The following HRG variants were observed in gnomAD, a reference collection of about 807,000 sequenced individuals.
HRG encodes histidine rich glycoprotein, also known as histidine-rich glycoprotein.
HRG carries 26 observed loss-of-function variants against 29.5 expected under a neutral mutation model. The observed-to-expected ratio is 0.88, with a 90% CI of 0.65 to 1.22. HRG has a LOEUF of 1.22. HRG is among the 50% of genes most tolerant of loss of function. The pLI, the probability that HRG is intolerant of heterozygous loss-of-function variation, is 0.00. For missense variants in HRG, 671 were observed against 654.5 expected (o/e 1.03, Z -0.28); for synonymous variants, 243 against 240.4 (o/e 1.01, Z -0.10).
chr3:186,677,856 G>C lies in HRG; in HGVS notation c.1551G>C (p.Met517Ile). ...AGAGTGGGTTTCCACAAGTTTCCATGTTTTTTACACATACATTTCCAAAAT... is the reference window on the plus strand; with the variant it reads ...AGAGTGGGTTTCCACAAGTTTCCATCTTTTTTACACATACATTTCCAAAAT... ...KFKSGFPQVS[M>I]FFTHTFPK Residue 517 changes from methionine (M) to isoleucine (I), a missense_variant, in exon 7 of 7, where the codon ATG (methionine) becomes ATC (isoleucine). Transcript: ENST00000232003. The C allele has an allele frequency of 6.2e-7, 1 of 1,613,960 alleles. No individual in the cohort carries two copies. Among genetic ancestry groups the C allele is most frequent in the Non-Finnish European group, 8.5e-7 (1 of 1,179,822 alleles).
At chr3:186,676,207 G>C (rs969541806) in intron 6 of HRG, among the ~76,000 whole-genome samples, 1 of 151,966 alleles carries the variant, frequency 6.6e-6, no homozygotes, top group Non-Finnish European at 1.5e-5. Flanking sequence ...TCTGAACAAG[G>C]AAGAGAGAGA....
At position 186,677,472 on chromosome 3, in the gene HRG, C is replaced by G. The variant is rs566590437; in HGVS notation, c.1167C>G (p.His389Gln). 1.1e-5 allele frequency: 17 copies of G among 1,590,776 alleles called. No homozygotes were observed. In the South Asian group the frequency reaches 1.8e-4, roughly 17 times the overall value. ...CCCATGGACACCACCCCCATGGACA[C>G]CATCCTCATGGACACCACCCCCATG... is the stretch of plus-strand genomic sequence containing the variant. ...QHPHGHHPHG[H>Q]HPHGHHPHGH... The change falls in exon 7 of 7, where the codon CAC becomes CAG. Residue 389 changes from histidine to glutamine, a missense_variant. By Grantham distance (24) the His-to-Gln change is conservative (BLOSUM62 0). Coordinates refer to ENST00000232003, the MANE Select transcript of HRG (RefSeq NM_000412.5).
intron 4 of HRG, 112 bp from the exon 5 acceptor site, chr3:186,672,675 T>G: frequency 4.0e-6 from 3 of 746,308 alleles, no homozygotes; most frequent in Non-Finnish European, 7.3e-6. Context: ...CACATACTGG[T>G]GATTTTGAAT....
In HRG at chr3:186,677,817, TC is replaced by T. The variant is rs1719056654; in HGVS notation, c.1514del (p.Pro505GlnfsTer24). On this transcript the variant is annotated frameshift_variant, in exon 7 of 7. Coordinates refer to ENST00000232003, the MANE Select transcript of HRG (RefSeq NM_000412.5). LOFTEE classifies it low-confidence loss of function (END_TRUNC). Reference protein sequence around the residue: ...PFPQSVSESCPGKFKSGFPQV... With the variant: ...PFPQSVSESCXGKFKSGFPQV... ...TTCCTCAATCAGTCTCTGAATCATG[TC>T]CAGGGAAGTTCAAGAGTGGGTTTCC... 6.2e-7 allele frequency: 1 copy of T among 1,614,054 alleles called. No homozygotes were observed. Among genetic ancestry groups the T allele is most frequent in the Non-Finnish European group, 8.5e-7 (1 of 1,180,004 alleles).
Position 186,669,001 on chromosome 3 carries a change from A to G in HRG, c.250A>G (p.Lys84Glu). Reference sequence around the variant, plus strand: ...ATCGGACTGTTCGGTCCTATCCAGGAAATACTGGAATGACTGTGAGCCACC... The same window carrying G: ...ATCGGACTGTTCGGTCCTATCCAGGGAATACTGGAATGACTGTGAGCCACC... ...QESDCSVLSRKYWNDCEPPDS... is the reference protein window; with the variant it reads ...QESDCSVLSREYWNDCEPPDS... The change falls in exon 2 of 7, where the codon AAA (lysine) becomes GAA (glutamate). Residue 84 changes from lysine (K) to glutamate (E), a missense_variant. Coordinates refer to ENST00000232003, the MANE Select transcript of HRG (RefSeq NM_000412.5). 6.2e-7 allele frequency: 1 copy of G among 1,612,568 alleles called. No homozygotes were observed. Among genetic ancestry groups the G allele is most frequent in the African/African-American group, 1.3e-5 (1 of 75,016 alleles).
Position 186,677,798 on chromosome 3 carries a change from A to T in HRG, c.1493A>T (p.Gln498Leu), listed in dbSNP as rs201032457. The change falls in exon 7 of 7, where the codon CAA (glutamine) becomes CTA (leucine). Residue 498 changes from glutamine to leucine, a missense_variant. Physicochemically the swap from Gln to Leu is moderately radical, Grantham distance 113 (BLOSUM62 -2). Coordinates refer to ENST00000232003, the MANE Select transcript of HRG (RefSeq NM_000412.5). ...AAGCCAGACAATCAGCCCTTTCCTC[A>T]ATCAGTCTCTGAATCATGTCCAGGG... ...PLKPDNQPFP[Q>L]SVSESCPGKF... 6.2e-7 allele frequency: 1 copy of T among 1,614,108 alleles called. No homozygotes were observed. The highest frequency in any genetic ancestry group is 8.5e-7 in the Non-Finnish European group (1 of 1,179,956).
intron 3 of HRG, among the ~76,000 whole-genome samples, chr3:186,671,279 T>TATAAATATATAATAGATATTATATAATAG: frequency 1.4e-5 from 2 of 147,832 alleles, no homozygotes; most frequent in East Asian, 3.9e-4. Flanking sequence ...TTATATAATA[T>TATAAATATATAATAGATATTATATAATAG]ATAAATATAT....
At chr3:186,668,865 CT>C in intron 1 of HRG, 69 bp from the exon 2 acceptor site, 1 of 725,828 alleles carries the variant, frequency 1.4e-6, no homozygotes, top group Non-Finnish European at 2.4e-6. Flanking sequence ...AAATATATAG[CT>C]TTAATACATA....
At chr3:186,676,125 T>A (rs1249042925) in intron 6 of HRG, among the ~76,000 whole-genome samples, 1 of 152,060 alleles carries the variant, frequency 6.6e-6, no homozygotes, top group Non-Finnish European at 1.5e-5. Flanking sequence ...TGCCTCAGCC[T>A]CCCAAAGTTC....
At chr3:186,671,816 A>C (rs748474167) in intron 4 of HRG, 27 bp downstream of exon 4, 5 of 1,609,312 alleles carry the variant, frequency 3.1e-6, no homozygotes, top group Non-Finnish European at 4.3e-6. Context: ...GTTCGGTTGG[A>C]GTCTGAAGGC....
intron 4 of HRG, 30 bp from the exon 5 acceptor site, chr3:186,672,757 T>C (rs374247329): frequency 1.4e-6 from 2 of 1,459,778 alleles, no homozygotes; most frequent in Non-Finnish European, 1.9e-6. Context: ...TTGTCTGTTC[T>C]TGAAACTATT....
At chr3:186,676,814 G>GA (rs911446203) in intron 6 of HRG, among the ~76,000 whole-genome samples, 43 of 148,220 alleles carry the variant, frequency 2.9e-4, no homozygotes, top group African/African-American at 5.4e-4. Context: ...CTCAGTCTCA[G>GA]AAAAAAAAAA....
At chr3:186,675,566 A>G (rs2108582553) in intron 6 of HRG, among the ~76,000 whole-genome samples, 1 of 152,326 alleles carries the variant, frequency 6.6e-6, no homozygotes, top group East Asian at 1.9e-4. Context: ...TGCTCTTTGT[A>G]GTCGGGACTC....
At position 186,672,867 on chromosome 3, in the gene HRG, T is replaced by A. The variant is rs1718847885; in HGVS notation, c.639T>A (p.Asn213Lys). ...GACACCATTTCCCCAGACACCCCAATGTGAGTATAAGAAATGTCTGTGATC... is the reference window on the plus strand; with the variant it reads ...GACACCATTTCCCCAGACACCCCAAAGTGAGTATAAGAAATGTCTGTGATC... ...CPRHHFPRHPNVFGFCRADLF... is the reference protein window; with the variant it reads ...CPRHHFPRHPKVFGFCRADLF... Residue 213 changes from asparagine (N) to lysine (K), a missense_variant and splice_region_variant, in exon 5 of 7, where the codon AAT becomes AAA. Transcript: ENST00000232003. 6.3e-7 allele frequency: 1 copy of A among 1,592,944 alleles called. No individual in the cohort carries two copies.
intron 5 of HRG, 153 bp downstream of exon 5, chr3:186,673,020 T>C (rs1222797290): frequency 1.4e-6 from 1 of 700,412 alleles, no homozygotes; most frequent in African/African-American, 1.8e-5. Flanking sequence ...GGAAGAAATG[T>C]CTGTGAAATA....
chr3:186,669,115 T>A, intron 2 of HRG, 64 bp downstream of exon 2: 3 of 924,984 alleles, frequency 3.2e-6, no homozygotes, highest in Non-Finnish European at 5.4e-6. Context: ...CTCTGTTCAC[T>A]CAGCCAATGC....
intron 1 of HRG, among the ~76,000 whole-genome samples, chr3:186,666,769 T>G (rs549619021): frequency 8.6e-5 from 13 of 151,964 alleles, no homozygotes; most frequent in Non-Finnish European, 1.8e-4. Flanking sequence ...AAAAACTAGC[T>G]GGGCATGGTG....
chr3:186,675,722 A>AT (rs771715076), intron 6 of HRG, among the ~76,000 whole-genome samples: 2 of 152,214 alleles, frequency 1.3e-5, no homozygotes, highest in East Asian at 1.9e-4. Flanking sequence ...TCTTTGGTCT[A>AT]TTTTTTACAT....
intron 4 of HRG, among the ~76,000 whole-genome samples, chr3:186,672,024 G>A (rs1260603512): frequency 6.6e-6 from 1 of 151,582 alleles, no homozygotes; most frequent in Non-Finnish European, 1.5e-5. Context: ...ATCTGACAGA[G>A]TAGGGAGAAA....
Sources: gnomAD v4.1 joint callset for allele counts (sites outside exome capture counted in the v4.1 genomes callset) on GRCh38, gnomAD v4.1.1 for gene constraint, MANE v1.5 for transcripts, NCBI Gene and HGNC (gene_info 2026-07-23, HGNC 2026-07-21) for gene names.